BLTP3A: variants seen among roughly 807,000 people sequenced by gnomAD.
The protein encoded by BLTP3A is ICBP90 binding protein 1.
the BLTP3A span, among the ~76,000 whole-genome samples, chr6:34,866,365 T>C: frequency 6.6e-6 from 1 of 151,276 alleles, no homozygotes; most frequent in Non-Finnish European, 1.5e-5. Context: ...ATCACGCCAT[T>C]GCACTCCCCT....
chr6:34,859,398 T>C, the BLTP3A span: 3 of 1,613,944 alleles, frequency 1.9e-6, no homozygotes, highest in Non-Finnish European at 2.5e-6. Flanking sequence ...TGAAGAACAT[T>C]GAGGGAGAAT....
At chr6:34,808,160 A>G in the BLTP3A span, among the ~76,000 whole-genome samples, 1 of 151,938 alleles carries the variant, frequency 6.6e-6, no homozygotes, top group African/African-American at 2.4e-5. Flanking sequence ...CCTGACCAAC[A>G]TGGTGAAACT....
At chr6:34,846,247 C>T in the BLTP3A span, among the ~76,000 whole-genome samples, 6 of 151,528 alleles carry the variant, frequency 4.0e-5, no homozygotes, top group South Asian at 6.3e-4. Context: ...CAGGTTCAAG[C>T]GATTCTCCTG....
chr6:34,813,342 AATT>A, the BLTP3A span, among the ~76,000 whole-genome samples: 1 of 152,200 alleles, frequency 6.6e-6, no homozygotes, highest in Non-Finnish European at 1.5e-5. Flanking sequence ...TGGACTAAAC[AATT>A]ATTTAAGATT....
At chr6:34,863,999 C>T in the BLTP3A span, 1 of 1,542,648 alleles carries the variant, frequency 6.5e-7, no homozygotes, top group Non-Finnish European at 8.7e-7. Context: ...TTTTTTTAAA[C>T]AGGGAGCCCA....
the BLTP3A span, among the ~76,000 whole-genome samples, chr6:34,810,360 A>T: frequency 6.6e-6 from 1 of 152,376 alleles, no homozygotes; most frequent in South Asian, 2.1e-4. Context: ...CTGAGATGAC[A>T]TGATTCACAT....
At chr6:34,840,431 T>C in the BLTP3A span, among the ~76,000 whole-genome samples, 1 of 144,798 alleles carries the variant, frequency 6.9e-6, no homozygotes, top group Admixed American at 6.9e-5. Flanking sequence ...CTGGGCGTGG[T>C]GGCAGGCACC....
the BLTP3A span, among the ~76,000 whole-genome samples, chr6:34,796,166 C>T: frequency 6.6e-6 from 1 of 152,188 alleles, no homozygotes; most frequent in African/African-American, 2.4e-5. Context: ...TTACTTGTTG[C>T]TGATGATGCC....
chr6:34,818,072 A>T, the BLTP3A span, among the ~76,000 whole-genome samples: 1 of 151,844 alleles, frequency 6.6e-6, no homozygotes, highest in South Asian at 2.1e-4. Flanking sequence ...GTTAGCCAGG[A>T]TGGTCTCGAT....
At chr6:34,834,369 T>G in the BLTP3A span, 1 of 1,613,712 alleles carries the variant, frequency 6.2e-7, no homozygotes, top group Non-Finnish European at 8.5e-7. Flanking sequence ...CAGAGTGACC[T>G]TCGCCTTACC....
the BLTP3A span, among the ~76,000 whole-genome samples, chr6:34,829,258 C>T: frequency 3.9e-5 from 6 of 152,214 alleles, no homozygotes; most frequent in Non-Finnish European, 8.8e-5. Flanking sequence ...AGTCACTCCT[C>T]GTTCTTCCCT....
At chr6:34,792,825 T>G in the BLTP3A span, among the ~76,000 whole-genome samples, 1 of 152,180 alleles carries the variant, frequency 6.6e-6, no homozygotes, top group Non-Finnish European at 1.5e-5. Flanking sequence ...TGCTAAGCCA[T>G]TTCCCCTTAG....
the BLTP3A span, chr6:34,867,559 A>G: frequency 1.2e-6 from 2 of 1,613,826 alleles, no homozygotes; most frequent in Non-Finnish European, 1.7e-6. Context: ...AGAGGAACTG[A>G]CCCTCCAGCA....
chr6:34,857,513 T>C, the BLTP3A span: 3 of 1,596,340 alleles, frequency 1.9e-6, no homozygotes, highest in African/African-American at 2.7e-5. Flanking sequence ...GCTCATGCTT[T>C]TCCCATTTGT....
At chr6:34,865,195 C>T in the BLTP3A span, among the ~76,000 whole-genome samples, 3 of 152,178 alleles carry the variant, frequency 2.0e-5, no homozygotes, top group Admixed American at 1.3e-4. Context: ...CTAACCCCTC[C>T]CATTTCCCTT....
chr6:34,821,869 C>T, the BLTP3A span: 2 of 1,614,112 alleles, frequency 1.2e-6, no homozygotes, highest in Non-Finnish European at 1.7e-6. Flanking sequence ...GGCCTGCTTT[C>T]TGGAGGGTCA....
At chr6:34,805,730 T>A in the BLTP3A span, among the ~76,000 whole-genome samples, 1 of 93,888 alleles carries the variant, frequency 1.1e-5, no homozygotes, top group Non-Finnish European at 1.9e-5. Flanking sequence ...AGCAAGACCC[T>A]ATCTCAAAAA....
the BLTP3A span, among the ~76,000 whole-genome samples, chr6:34,837,032 C>T: frequency 6.6e-6 from 1 of 152,190 alleles, no homozygotes; most frequent in Non-Finnish European, 1.5e-5. Flanking sequence ...TTGTCAGGCT[C>T]AAATGAGCCA....
the BLTP3A span, among the ~76,000 whole-genome samples, chr6:34,795,564 A>ATTT: frequency 1.6e-5 from 2 of 122,388 alleles, no homozygotes; most frequent in African/African-American, 6.1e-5. Context: ...CACCCGGCTG[A>ATTT]TTTTTTTTTT....
Sources: allele counts gnomAD v4.1 joint callset (sites outside exome capture counted in the v4.1 genomes callset), GRCh38; gene constraint gnomAD v4.1.1; transcripts MANE v1.5; gene names NCBI Gene and HGNC (gene_info 2026-07-23, HGNC 2026-07-21).